Variants in SLX4IP observed in about 807,000 individuals in gnomAD.
SLX4IP encodes the protein protein SLX4IP.
A neutral mutation model predicts 32.9 loss-of-function variants in SLX4IP; 34 were observed. The ratio of observed to expected loss-of-function variants is 1.03; its 90% CI spans 0.79 to 1.38. The LOEUF (loss-of-function observed/expected upper bound fraction) is 1.38, where lower values mean the gene tolerates loss of function less well. SLX4IP is among the 40% of genes most tolerant of loss of function. The pLI is 0.00. For missense variants in SLX4IP, 444 were observed against 479.0 expected (o/e 0.93, Z 0.68); for synonymous variants, 172 against 171.7 (o/e 1.00, Z -0.01).
chr20:10,603,645 C>T (rs2066869296), intron 6 of SLX4IP, among the ~76,000 whole-genome samples: 1 of 152,178 alleles, frequency 6.6e-6, no homozygotes, highest in African/African-American at 2.4e-5. Context: ...TCTGTCTCTT[C>T]ACATATACAT....
At chr20:10,473,603 TTTC>T (rs1321417994) in intron 2 of SLX4IP, among the ~76,000 whole-genome samples, 1 of 60,482 alleles carries the variant, frequency 1.7e-5, no homozygotes, top group Non-Finnish European at 3.6e-5. Flanking sequence ...CAGAGTTCTG[TTTC>T]TTTTTTTTTT....
chr20:10,454,335 C>T (rs1300044927), intron 1 of SLX4IP, among the ~76,000 whole-genome samples: 1 of 152,124 alleles, frequency 6.6e-6, no homozygotes, highest in African/African-American at 2.4e-5. Flanking sequence ...TAGGTTAGTC[C>T]AATTCTCTGA....
intron 2 of SLX4IP, among the ~76,000 whole-genome samples, chr20:10,466,369 C>T (rs2122355184): frequency 6.6e-6 from 1 of 152,318 alleles, no homozygotes; most frequent in East Asian, 1.9e-4. Context: ...CTTCCTGCAT[C>T]TGTTTTCTTG....
chr20:10,562,149 G>A (rs2122504019), intron 4 of SLX4IP, among the ~76,000 whole-genome samples: 1 of 152,270 alleles, frequency 6.6e-6, no homozygotes, highest in Admixed American at 6.5e-5. Context: ...GGCGGGTTGC[G>A]TTAATCTACT....
Position 10,467,040 on chromosome 20 carries a change from T to TATAAA in SLX4IP, c.27+8810_27+8811insTAAAA, listed in dbSNP as rs1031332610. ...TGATTTCCCCTTTATAGTAAAAGTA[T>TATAAA]AGAGCAGCTCTTTAAACTTTCAGAG... On this transcript the variant is annotated intron_variant, in intron 2 of 7. Coordinates refer to ENST00000334534, the MANE Select transcript of SLX4IP (RefSeq NM_001009608.3). Among the ~76,000 whole-genome samples the TATAAA allele has an allele frequency of 9.2e-5, 14 of 152,190 alleles. 1 individual carries two copies. The highest frequency in any genetic ancestry group is 2.9e-5 in the Non-Finnish European group (2 of 68,042).
At chr20:10,559,906 C>T (rs2066312051) in intron 3 of SLX4IP, among the ~76,000 whole-genome samples, 1 of 152,208 alleles carries the variant, frequency 6.6e-6, no homozygotes, top group African/African-American at 2.4e-5. Context: ...TCAACAAGAG[C>T]GTAGAAGAAA....
chr20:10,566,606 A>G (rs545560030), intron 4 of SLX4IP, among the ~76,000 whole-genome samples: 1 of 152,078 alleles, frequency 6.6e-6, no homozygotes, highest in Non-Finnish European at 1.5e-5. Context: ...CGGAGCCTAT[A>G]TTGCATCCCT....
intron 2 of SLX4IP, among the ~76,000 whole-genome samples, chr20:10,522,803 A>C (rs1167540051): frequency 6.6e-6 from 1 of 152,218 alleles, no homozygotes; most frequent in Non-Finnish European, 1.5e-5. Context: ...TGCAGAAACC[A>C]TAGAGACCAT....
chr20:10,513,865 C>G (rs1027541009), intron 2 of SLX4IP, among the ~76,000 whole-genome samples: 1 of 152,140 alleles, frequency 6.6e-6, no homozygotes, highest in East Asian at 1.9e-4. Context: ...GGAGAGTGGC[C>G]CACACTAGTC....
chr20:10,443,382 A>C (rs2065173967), intron 1 of SLX4IP, among the ~76,000 whole-genome samples: 1 of 152,164 alleles, frequency 6.6e-6, no homozygotes, highest in African/African-American at 2.4e-5. Context: ...AGAGGACCAG[A>C]GTTAGTTATA....
chr20:10,623,511 C>T lies in SLX4IP; in HGVS notation c.*132C>T. The T allele has an allele frequency of 7.6e-7, 1 of 1,315,244 alleles. No individual in the cohort carries two copies. The highest frequency in any genetic ancestry group is 1.0e-6 in the Non-Finnish European group (1 of 980,986). 81.5% of individuals were successfully genotyped at this position (1,315,244 alleles called of 1,614,324 possible). A position where few individuals can be genotyped will look rare whatever the true frequency, so the allele number is the denominator to read the frequency against. ...CTAATTTAAATAGGAAGTGTGTTAT[C>T]TGTGTTATGGCTATGGTTTGTTTTC... On this transcript the variant is annotated 3_prime_UTR_variant, in exon 8 of 8. Transcript: ENST00000334534.
intron 2 of SLX4IP, among the ~76,000 whole-genome samples, chr20:10,488,431 C>G (rs1438060627): frequency 1.3e-5 from 2 of 152,120 alleles, no homozygotes; most frequent in Non-Finnish European, 2.9e-5. Context: ...AGGAACCAAC[C>G]CTGCTGACAC....
intron 6 of SLX4IP, among the ~76,000 whole-genome samples, chr20:10,604,325 AC>A (rs2066879311): frequency 6.6e-6 from 1 of 152,222 alleles, no homozygotes; most frequent in Non-Finnish European, 1.5e-5. Context: ...AGAGGAGTGA[AC>A]TAGTACTTGA....
intron 2 of SLX4IP, among the ~76,000 whole-genome samples, chr20:10,517,806 C>T (rs2065862596): frequency 6.6e-6 from 1 of 152,120 alleles, no homozygotes; most frequent in South Asian, 2.1e-4. Flanking sequence ...TCCCTGCATT[C>T]CCCAGCAAGT....
intron 4 of SLX4IP, among the ~76,000 whole-genome samples, chr20:10,585,985 A>C (rs1600131010): frequency 6.6e-6 from 1 of 152,138 alleles, no homozygotes; most frequent in South Asian, 2.1e-4. Context: ...TACCAAGCCT[A>C]CCTACCCTCT....
At chr20:10,437,159 C>T (rs2065122315) in intron 1 of SLX4IP, among the ~76,000 whole-genome samples, 3 of 151,722 alleles carry the variant, frequency 2.0e-5, no homozygotes, top group African/African-American at 7.3e-5. Flanking sequence ...AGGGTATAAC[C>T]CTGTTGCCCA....
intron 6 of SLX4IP, among the ~76,000 whole-genome samples, chr20:10,616,689 G>A (rs1338862779): frequency 6.6e-6 from 1 of 152,046 alleles, no homozygotes; most frequent in Admixed American, 6.6e-5. Context: ...GTCTGCTTTT[G>A]TGGCTTGTCC....
chr20:10,581,685 G>T (rs2066587694), intron 4 of SLX4IP, among the ~76,000 whole-genome samples: 2 of 152,132 alleles, frequency 1.3e-5, no homozygotes, highest in Non-Finnish European at 2.9e-5. Flanking sequence ...TGAGGCCAAG[G>T]CAGGAAGATC....
At chr20:10,569,774 C>T (rs1192424982) in intron 4 of SLX4IP, among the ~76,000 whole-genome samples, 1 of 152,098 alleles carries the variant, frequency 6.6e-6, no homozygotes, top group Non-Finnish European at 1.5e-5. Context: ...TGTCGATGGC[C>T]GTCCTCTCCC....
Sources: allele counts gnomAD v4.1 joint callset (sites outside exome capture counted in the v4.1 genomes callset), GRCh38; gene constraint gnomAD v4.1.1; transcripts MANE v1.5; gene names NCBI Gene and HGNC (gene_info 2026-07-23, HGNC 2026-07-21).